Variants in HYCC2 observed in about 807,000 individuals in gnomAD.
HYCC2 encodes the protein hyccin 2.
the HYCC2 span, among the ~76,000 whole-genome samples, chr2:200,990,282 G>A: frequency 4.6e-5 from 7 of 152,086 alleles, no homozygotes; most frequent in African/African-American, 1.7e-4. Context: ...TGGGATAGAG[G>A]GTCAAAGAAA....
At chr2:201,033,159 A>ATGTGTGTG in the HYCC2 span, among the ~76,000 whole-genome samples, 714 of 117,898 alleles carry the variant, frequency 6.1e-3, 6 homozygotes, top group African/African-American at 0.014. Flanking sequence ...ATGTGTGTGT[A>ATGTGTGTG]TGTGTGTGTG....
chr2:200,995,369 A>T, the HYCC2 span, among the ~76,000 whole-genome samples: 1 of 152,176 alleles, frequency 6.6e-6, no homozygotes, highest in Non-Finnish European at 1.5e-5. Flanking sequence ...GATCCCTATG[A>T]TCTTTCTGGT....
chr2:200,996,364 A>T, the HYCC2 span: 13 of 152,290 alleles, frequency 8.5e-5, no homozygotes, highest in Admixed American at 7.2e-4. Flanking sequence ...GTGGTGGCTC[A>T]TGCCTGTAAT....
chr2:201,010,027 C>A, the HYCC2 span, among the ~76,000 whole-genome samples: 30 of 151,312 alleles, frequency 2.0e-4, no homozygotes, highest in African/African-American at 6.5e-4. Flanking sequence ...TCGCTTGAAC[C>A]CGGGAGGTGG....
chr2:200,988,909 G>A, the HYCC2 span, among the ~76,000 whole-genome samples: 1 of 152,114 alleles, frequency 6.6e-6, no homozygotes, highest in Non-Finnish European at 1.5e-5. Flanking sequence ...TAATTGGGTT[G>A]TACTAATCTA....
At chr2:201,002,759 G>A in the HYCC2 span, among the ~76,000 whole-genome samples, 1 of 152,028 alleles carries the variant, frequency 6.6e-6, no homozygotes, top group Admixed American at 6.6e-5. Context: ...TCCTAACTTC[G>A]TGATCCACCC....
the HYCC2 span, among the ~76,000 whole-genome samples, chr2:201,049,966 C>T: frequency 6.6e-6 from 1 of 152,130 alleles, no homozygotes; most frequent in Non-Finnish European, 1.5e-5. Flanking sequence ...TGCCAAAGTG[C>T]TGGGATTACA....
the HYCC2 span, among the ~76,000 whole-genome samples, chr2:201,027,621 C>G: frequency 6.6e-6 from 1 of 152,254 alleles, no homozygotes; most frequent in Non-Finnish European, 1.5e-5. Flanking sequence ...CCACCAAGAT[C>G]AAGTCAGCTT....
At chr2:201,024,084 GAAC>G in the HYCC2 span, 16 of 1,045,338 alleles carry the variant, frequency 1.5e-5, no homozygotes, top group Non-Finnish European at 1.9e-5. Context: ...GTACTTATAG[GAAC>G]AACTAGAAAT....
the HYCC2 span, among the ~76,000 whole-genome samples, chr2:201,048,226 C>T: frequency 1.3e-5 from 2 of 151,710 alleles, no homozygotes; most frequent in African/African-American, 4.8e-5. Context: ...CTAGGATAAC[C>T]ATTACAACAA....
chr2:200,986,513 T>C, the HYCC2 span, among the ~76,000 whole-genome samples: 20 of 152,122 alleles, frequency 1.3e-4, no homozygotes, highest in African/African-American at 4.6e-4. Context: ...CGGCATTACA[T>C]GCAAAACAGT....
At chr2:200,981,516 G>C in the HYCC2 span, 2 of 1,614,214 alleles carry the variant, frequency 1.2e-6, no homozygotes, top group Non-Finnish European at 1.7e-6. The surrounding 1 kb of genome is among the most constrained non-coding windows in gnomAD (Gnocchi z 4.5). Context: ...AGGAAGCACT[G>C]GCTGTCCGGA....
chr2:200,985,242 TA>T, the HYCC2 span, among the ~76,000 whole-genome samples: 2 of 152,206 alleles, frequency 1.3e-5, no homozygotes, highest in Non-Finnish European at 2.9e-5. Flanking sequence ...GGAATTTTTT[TA>T]TTTTTTTTTA....
At chr2:200,977,367 G>T in the HYCC2 span, 2 of 152,184 alleles carry the variant, frequency 1.3e-5, no homozygotes, top group African/African-American at 4.8e-5. Context: ...TCTTGAGGAT[G>T]AAGGTTGGGG....
At chr2:201,065,090 GT>G in the HYCC2 span, among the ~76,000 whole-genome samples, 2 of 152,148 alleles carry the variant, frequency 1.3e-5, no homozygotes, top group Non-Finnish European at 2.9e-5. Flanking sequence ...GAACTGTTCT[GT>G]CACCAAGACA....
At chr2:200,984,917 A>G in the HYCC2 span, among the ~76,000 whole-genome samples, 2 of 152,212 alleles carry the variant, frequency 1.3e-5, no homozygotes, top group Non-Finnish European at 2.9e-5. Context: ...GTTCAAGACT[A>G]GTCTGGGCAA....
At chr2:201,009,926 A>G in the HYCC2 span, among the ~76,000 whole-genome samples, 1 of 151,204 alleles carries the variant, frequency 6.6e-6, no homozygotes. Flanking sequence ...ACACAGTGAA[A>G]CCCCATCTGC....
the HYCC2 span, among the ~76,000 whole-genome samples, chr2:201,057,224 T>C: frequency 2.1e-4 from 32 of 152,316 alleles, no homozygotes; most frequent in African/African-American, 7.2e-4. Context: ...ATGGAAGTGA[T>C]AGTGTGTCAG....
At chr2:201,019,512 G>A in the HYCC2 span, among the ~76,000 whole-genome samples, 21 of 152,052 alleles carry the variant, frequency 1.4e-4, no homozygotes, top group African/African-American at 4.3e-4. Flanking sequence ...CGGCACTTTG[G>A]GAGGCCAAGG....
Sources: allele counts gnomAD v4.1 joint callset (sites outside exome capture counted in the v4.1 genomes callset), GRCh38; gene constraint gnomAD v4.1.1; non-coding constraint Gnocchi (gnomAD v3.1); transcripts MANE v1.5; gene names NCBI Gene and HGNC (gene_info 2026-07-23, HGNC 2026-07-21).